The following FGF12 variants were observed in gnomAD, a reference collection of about 807,000 sequenced individuals.
FGF12 encodes the protein fibroblast growth factor 12.
Under a neutral mutation model 23.6 loss-of-function variants are expected in FGF12, and 14 were observed. The observed-to-expected ratio is 0.59, with a 90% CI of 0.39 to 0.93. The LOEUF (loss-of-function observed/expected upper bound fraction) is 0.93. Ranked by LOEUF, FGF12 falls within the 40% of genes least tolerant of loss-of-function variation. The pLI is 0.00. For missense variants in FGF12, 175 were observed against 217.8 expected (o/e 0.80, Z 1.24); for synonymous variants, 62 against 77.3 (o/e 0.80, Z 1.04).
intron 2 of FGF12, among the ~76,000 whole-genome samples, chr3:192,547,191 T>C (rs902230426): frequency 8.5e-5 from 13 of 152,222 alleles, no homozygotes; most frequent in African/African-American, 2.4e-4. Flanking sequence ...TTATAAGCCA[T>C]GTATGGAATC....
At chr3:192,444,672 G>A (rs185282156) in intron 2 of FGF12, among the ~76,000 whole-genome samples, 24 of 152,316 alleles carry the variant, frequency 1.6e-4, no homozygotes, top group African/African-American at 5.5e-4. Context: ...CTACGCACAG[G>A]AGGCCAGGAG....
chr3:192,416,805 A>C (rs902742293), intron 2 of FGF12, among the ~76,000 whole-genome samples: 3 of 152,136 alleles, frequency 2.0e-5, no homozygotes, highest in African/African-American at 7.2e-5. Context: ...GACATCAAGG[A>C]GGCATTGATG....
At chr3:192,675,119 T>A (rs181878655) in intron 2 of FGF12, among the ~76,000 whole-genome samples, 1 of 151,720 alleles carries the variant, frequency 6.6e-6, no homozygotes, top group African/African-American at 2.4e-5. Context: ...AGGGATAGAG[T>A]AAGTGGTAGG....
At chr3:192,512,195 A>G (rs968781139) in intron 2 of FGF12, among the ~76,000 whole-genome samples, 26 of 152,134 alleles carry the variant, frequency 1.7e-4, no homozygotes, top group African/African-American at 6.3e-4. Flanking sequence ...TCCTTAAGTT[A>G]GTTTTAAAAA....
chr3:192,327,863 C>T (rs571069083), intron 4 of FGF12, among the ~76,000 whole-genome samples: 1 of 152,132 alleles, frequency 6.6e-6, no homozygotes, highest in South Asian at 2.1e-4. Flanking sequence ...CCATCCCCAG[C>T]TAATTTTTAA....
intron 2 of FGF12, among the ~76,000 whole-genome samples, chr3:192,676,239 A>G (rs920663103): frequency 1.3e-5 from 2 of 152,194 alleles, no homozygotes; most frequent in Non-Finnish European, 2.9e-5. Flanking sequence ...CAAGACAAAA[A>G]AGTAAGTAAG....
intron 2 of FGF12, among the ~76,000 whole-genome samples, chr3:192,570,936 A>C (rs1712604147): frequency 2.6e-5 from 4 of 152,204 alleles, no homozygotes; most frequent in Admixed American, 1.3e-4. Context: ...TAGGAAAGTA[A>C]ATGACGTAGT....
intron 2 of FGF12, among the ~76,000 whole-genome samples, chr3:192,492,558 A>G (rs1423816418): frequency 2.0e-5 from 3 of 152,146 alleles, no homozygotes; most frequent in Non-Finnish European, 2.9e-5. Context: ...CTTAGTTGAC[A>G]CACAGATGAA....
At chr3:192,497,627 C>T (rs2108830491) in intron 2 of FGF12, among the ~76,000 whole-genome samples, 1 of 152,280 alleles carries the variant, frequency 6.6e-6, no homozygotes, top group East Asian at 1.9e-4. Flanking sequence ...TTAAATATGC[C>T]AAGTTTTTTC....
chr3:192,227,508 G>GT (rs1421612203), intron 4 of FGF12, among the ~76,000 whole-genome samples: 1 of 144,510 alleles, frequency 6.9e-6, no homozygotes, highest in East Asian at 2.1e-4. Flanking sequence ...GGAAAGCAAT[G>GT]TTTAACCAGG....
intron 2 of FGF12, chr3:192,521,220 A>G (rs533559251): frequency 6.6e-6 from 1 of 152,278 alleles, no homozygotes; most frequent in Non-Finnish European, 1.5e-5. Flanking sequence ...TAATTTGCAT[A>G]TCTCTAATTA....
intron 2 of FGF12, among the ~76,000 whole-genome samples, chr3:192,603,197 G>A (rs1714189503): frequency 6.6e-6 from 1 of 152,148 alleles, no homozygotes; most frequent in Non-Finnish European, 1.5e-5. Flanking sequence ...AGTCGGACAA[G>A]AGAAAGAAAT....
At chr3:192,310,179 T>G (rs972510955) in intron 4 of FGF12, among the ~76,000 whole-genome samples, 1 of 152,182 alleles carries the variant, frequency 6.6e-6, no homozygotes, top group Non-Finnish European at 1.5e-5. Context: ...CAGTCACACT[T>G]CACAAAATAG....
Position 192,408,173 on chromosome 3 carries a change from C to T in FGF12, c.14-47635G>A, listed in dbSNP as rs1186257591. ...CCGACACTCGGTCGCTGTTGGACTC[C>T]CTCGCCTGCCGCTTCTGCCGGATCA... On this transcript the variant is annotated intron_variant, in intron 2 of 5. Coordinates refer to ENST00000445105, the MANE Select transcript of FGF12 (RefSeq NM_004113.6). This position sits in a 1 kb window ranked among gnomAD's most constrained non-coding sequence, Gnocchi z 7.3. 13 of 1,609,072 alleles carry T rather than the reference C, an allele frequency of 8.1e-6. No individual in the cohort carries two copies. The highest frequency in any genetic ancestry group is 1.1e-5 in the Non-Finnish European group (13 of 1,179,646).
chr3:192,421,865 A>G (rs1203564948), intron 2 of FGF12, among the ~76,000 whole-genome samples: 1 of 152,046 alleles, frequency 6.6e-6, no homozygotes, highest in Non-Finnish European at 1.5e-5. Context: ...ACTCTCTTGA[A>G]GCTGCTAAGT....
chr3:192,344,818 A>T (rs1717873102), intron 3 of FGF12, among the ~76,000 whole-genome samples: 2 of 152,244 alleles, frequency 1.3e-5, no homozygotes, highest in South Asian at 4.1e-4. Flanking sequence ...TGCATAATTA[A>T]CAAGTCAATT....
At chr3:192,696,765 G>T (rs1718137468) in intron 2 of FGF12, among the ~76,000 whole-genome samples, 1 of 151,940 alleles carries the variant, frequency 6.6e-6, no homozygotes, top group Non-Finnish European at 1.5e-5. Context: ...GTGAATTCTA[G>T]CTCAGTAGGT....
chr3:192,299,252 C>A (rs907308456), intron 4 of FGF12, among the ~76,000 whole-genome samples: 2 of 152,144 alleles, frequency 1.3e-5, no homozygotes, highest in Non-Finnish European at 2.9e-5. Flanking sequence ...TTTCCTGCCA[C>A]CACCAATTTG....
intron 2 of FGF12, among the ~76,000 whole-genome samples, chr3:192,575,040 G>T (rs1712813259): frequency 6.6e-6 from 1 of 152,130 alleles, no homozygotes; most frequent in Non-Finnish European, 1.5e-5. Flanking sequence ...CCATACAATG[G>T]AATACAACTA....
Sources: allele counts gnomAD v4.1 joint callset (sites outside exome capture counted in the v4.1 genomes callset), GRCh38; gene constraint gnomAD v4.1.1; non-coding constraint Gnocchi (gnomAD v3.1); transcripts MANE v1.5; gene names NCBI Gene and HGNC (gene_info 2026-07-23, HGNC 2026-07-21).